Variants in FKBP6 observed in about 807,000 individuals in gnomAD.
FKBP6 encodes inactive peptidyl-prolyl cis-trans isomerase FKBP6.
Under a neutral mutation model 41.7 loss-of-function variants are expected in FKBP6, and 29 were observed. The ratio of observed to expected loss-of-function variants is 0.70; its 90% confidence interval spans 0.52 to 0.95. The LOEUF is 0.95. Among genes scored for constraint, FKBP6 ranks in the 40% least tolerant of loss-of-function variants. The pLI, the probability that FKBP6 is intolerant of heterozygous loss-of-function variation, is 0.00. For synonymous variants in FKBP6, 130 were observed against 165.1 expected (o/e 0.79, Z 1.63); for missense variants, 338 against 408.7 (o/e 0.83, Z 1.49).
rs146689160 is a variant in FKBP6, at chr7:73,357,352, G to A, written c.*3-829G>A. On this transcript the variant is annotated intron_variant, in intron 8 of 8. Transcript: ENST00000252037. ...TGGCTCACTGCAACCTCTGCCTCCC[G>A]GGTATAAGCAATTCTCCTTGCCTTA... 5.4e-3 allele frequency among the ~76,000 whole-genome samples: 745 copies of A among 137,698 alleles called. 7 individuals are homozygous for A. Among genetic ancestry groups the A allele is most frequent in the African/African-American group, 0.019 (691 of 36,750 alleles). 90.3% of individuals were successfully genotyped at this position (137,698 alleles called of 152,430 possible).
rs553028215 is a variant in FKBP6 at position 73,345,131 on chromosome 7, C to G, written c.*2+2232C>G. Reference sequence around the variant, plus strand: ...GAAATAGCCGAAGCAACAGACCAGCCTCTAATAAAACATCCTCCAGGCTGG... The same window carrying G: ...GAAATAGCCGAAGCAACAGACCAGCGTCTAATAAAACATCCTCCAGGCTGG... On this transcript the variant is annotated intron_variant, in intron 8 of 8. Coordinates refer to ENST00000252037, the MANE Select transcript of FKBP6 (RefSeq NM_003602.5). Among the ~76,000 whole-genome samples, 15 of 151,600 alleles carry G rather than the reference C, an allele frequency of 9.9e-5. No individual in the cohort carries two copies. In the South Asian group the frequency reaches 2.9e-3, roughly 29 times the overall value.
intron 7 of FKBP6, among the ~76,000 whole-genome samples, chr7:73,341,967 C>T (rs879981885): frequency 1.3e-5 from 2 of 151,842 alleles, no homozygotes; most frequent in Admixed American, 6.6e-5. Context: ...CAACTGGCCC[C>T]GGTGTCACTT....
intron 5 of FKBP6, among the ~76,000 whole-genome samples, chr7:73,335,468 T>C (rs1583803736): frequency 6.6e-6 from 1 of 152,202 alleles, no homozygotes; most frequent in East Asian, 1.9e-4. Context: ...CTGTCTGGTA[T>C]TGAGATTCCT....
chr7:73,341,277 G>C lies in FKBP6; in HGVS notation c.788G>C (p.Cys263Ser). The C allele has an allele frequency of 2.5e-6, 4 of 1,606,088 alleles. No individual in the cohort carries two copies. Among genetic ancestry groups the C allele is most frequent in the Non-Finnish European group, 3.4e-6 (4 of 1,173,020 alleles). ...AKALFRCGQA[C>S]LLLTEYQKAR... ...AAAGTTCTCTCCTTGGGACAGGCTT[G>C]TCTTCTCCTGACTGAGTATCAAAAG... is the stretch of plus-strand genomic sequence containing the variant. The change falls in exon 7 of 9, where the codon TGT becomes TCT. Residue 263 changes from cysteine to serine, a missense_variant. Physicochemically the swap from Cys to Ser is moderately radical, Grantham distance 112. This residue lies in a region of FKBP6 where 239 missense variants were observed against 250.1 expected (regional missense o/e 0.96). Transcript: ENST00000252037.
chr7:73,356,065 CAAAAAAA>C (rs71925165), intron 8 of FKBP6, among the ~76,000 whole-genome samples: 14 of 32,194 alleles, frequency 4.3e-4, no homozygotes, highest in East Asian at 2.5e-3. Flanking sequence ...GACTCTGTCT[CAAAAAAA>C]AAAAAAAAAA....
At chr7:73,328,782 G>T in intron 2 of FKBP6, 90 bp downstream of exon 2, 1 of 1,604,140 alleles carries the variant, frequency 6.2e-7, no homozygotes, top group East Asian at 2.2e-5. Context: ...CACTTAATGG[G>T]GTTGGAAATG....
At chr7:73,350,609 C>T (rs1805462916) in intron 8 of FKBP6, among the ~76,000 whole-genome samples, 1 of 152,046 alleles carries the variant, frequency 6.6e-6, no homozygotes, top group Non-Finnish European at 1.5e-5. Context: ...TGCTACTTGG[C>T]CAGCCTTGGG....
intron 5 of FKBP6, 107 bp from the exon 6 acceptor site, chr7:73,340,531 C>T (rs1805141306): frequency 5.8e-6 from 5 of 866,610 alleles, no homozygotes; most frequent in Non-Finnish European, 5.8e-6. Flanking sequence ...TGTCTTGCAA[C>T]CTGTAACAGC....
chr7:73,353,233 G>C (rs529642484), intron 8 of FKBP6, among the ~76,000 whole-genome samples: 210 of 152,214 alleles, frequency 1.4e-3, no homozygotes, highest in Non-Finnish European at 2.5e-3. Flanking sequence ...GGCTGACCAA[G>C]ATAATCGCCC....
intron 5 of FKBP6, chr7:73,336,919 A>G: frequency 2.7e-6 from 1 of 374,806 alleles, no homozygotes; most frequent in South Asian, 1.9e-5. Flanking sequence ...TGTATATATA[A>G]GAGATCAAGG....
At chr7:73,353,588 T>G (rs1805549264) in intron 8 of FKBP6, among the ~76,000 whole-genome samples, 1 of 152,244 alleles carries the variant, frequency 6.6e-6, no homozygotes, top group Non-Finnish European at 1.5e-5. Context: ...ACTTGAGGGT[T>G]GCTGTACTGT....
chr7:73,330,126 C>T, intron 3 of FKBP6, 24 bp from the exon 4 acceptor site: 1 of 1,589,128 alleles, frequency 6.3e-7, no homozygotes, highest in South Asian at 1.1e-5. Context: ...AAGCTTCACC[C>T]ACCTTCTTTG....
At chr7:73,329,005 A>G (rs1459745783) in intron 2 of FKBP6, among the ~76,000 whole-genome samples, 2 of 151,878 alleles carry the variant, frequency 1.3e-5, no homozygotes, top group African/African-American at 4.8e-5. Flanking sequence ...GGGGGACTCT[A>G]TGTTGCCCAG....
intron 7 of FKBP6, 27 bp downstream of exon 7, chr7:73,341,409 G>C (rs1554549552): frequency 7.5e-7 from 1 of 1,334,290 alleles, no homozygotes; most frequent in African/African-American, 1.4e-5. Context: ...GGAGCATGAA[G>C]AGAGATGGGT....
intron 5 of FKBP6, among the ~76,000 whole-genome samples, chr7:73,337,963 T>G (rs7779909): frequency 0.14 from 20,809 of 152,252 alleles, 1,629 homozygotes; most frequent in East Asian, 0.28. Context: ...TTTGTGGCTG[T>G]CTTATTTCAC....
At chr7:73,333,030 GGGAGGCTGAGGCGAGTGGATA>G (rs1306267952) in intron 5 of FKBP6, among the ~76,000 whole-genome samples, 1 of 152,182 alleles carries the variant, frequency 6.6e-6, no homozygotes, top group African/African-American at 2.4e-5. Context: ...CCAGCACTTT[GGGAGGCTGAGGCGAGTGGATA>G]GCTTGAGGTC....
intron 5 of FKBP6, among the ~76,000 whole-genome samples, chr7:73,340,436 G>A (rs1554549254): frequency 6.6e-6 from 1 of 152,164 alleles, no homozygotes; most frequent in African/African-American, 2.4e-5. Context: ...AGTGAGCTGA[G>A]ATCACTCCAG....
chr7:73,356,065 C>CAAAA (rs71925165), intron 8 of FKBP6, among the ~76,000 whole-genome samples: 1 of 32,196 alleles, frequency 3.1e-5, no homozygotes, highest in Non-Finnish European at 6.9e-5. Context: ...GACTCTGTCT[C>CAAAA]AAAAAAAAAA....
chr7:73,340,627 C>T lies in FKBP6; in HGVS notation c.589-11C>T. 6.2e-7 allele frequency: 1 copy of T among 1,611,720 alleles called. No individual in the cohort carries two copies. The highest frequency in any genetic ancestry group is 8.5e-7 in the Non-Finnish European group (1 of 1,178,806). ...TTACTCCTCTTGACCATCTGCCTTC[C>T]CTCTCCACAGGCCCTATTGCTTCTG... On this transcript the variant is annotated splice_polypyrimidine_tract_variant and intron_variant, in intron 5 of 8. Transcript: ENST00000252037.
Sources: gnomAD v4.1 joint callset for allele counts (sites outside exome capture counted in the v4.1 genomes callset) on GRCh38, gnomAD v4.1.1 for gene constraint, gnomAD v4.1.1 regional missense constraint, MANE v1.5 for transcripts, NCBI Gene and HGNC (gene_info 2026-07-23, HGNC 2026-07-21) for gene names.